The following GGACT variants were observed in gnomAD, a reference collection of about 807,000 sequenced individuals.
The protein encoded by GGACT is gamma-glutamylaminecyclotransferase.
For synonymous variants in GGACT, 118 were observed against 115.3 expected (o/e 1.02, Z -0.15); for missense variants, 241 against 233.2 (o/e 1.03, Z -0.22).
intron 2 of GGACT, among the ~76,000 whole-genome samples, chr13:100,565,070 T>C (rs895171264): frequency 3.3e-5 from 5 of 152,234 alleles, no homozygotes; most frequent in African/African-American, 1.2e-4. Context: ...TCACAGGGGA[T>C]GGCCGCCGCC....
In GGACT at chr13:100,532,428, T is replaced by A. The variant is rs1262760687; in HGVS notation, c.164A>T (p.His55Leu). 6.5e-7 allele frequency: 1 copy of A among 1,549,866 alleles called. No individual in the cohort carries two copies. Among genetic ancestry groups the A allele is most frequent in the Non-Finnish European group, 8.7e-7 (1 of 1,146,638 alleles). ...CACGAGGCGCCCCGAGCCGGGCAGG[T>A]GCAGCAGCCACGGGATGTTGTGCTC... Reference protein sequence around the residue: ...AGEHNIPWLLHLPGSGRLVEG... With the variant: ...AGEHNIPWLLLLPGSGRLVEG... Residue 55 changes from histidine to leucine, a missense_variant, in exon 3 of 3, where the codon CAC (histidine) becomes CTC (leucine). Physicochemically the swap from His to Leu is moderately conservative, Grantham distance 99 (BLOSUM62 -3). Coordinates refer to ENST00000683975, the MANE Select transcript of GGACT (RefSeq NM_001195087.2).
rs2088321333 is a variant in GGACT, at chr13:100,530,393, CTA to C, written c.*1735_*1736del. On this transcript the variant is annotated 3_prime_UTR_variant, in exon 3 of 3. Coordinates refer to ENST00000683975, the MANE Select transcript of GGACT (RefSeq NM_001195087.2). ...ATTTGTACTTCTGCTGTGAGATTCC[CTA>C]GTGTCAAAATTAAATCAATAAAACT... 2 of 601,492 alleles carry C rather than the reference CTA, an allele frequency of 3.3e-6. No individual in the cohort carries two copies. The highest frequency in any genetic ancestry group is 2.8e-5 in the Admixed American group (1 of 35,548). The allele number at this position is 601,492 out of a possible 1,614,324, so 37.3% of individuals were successfully genotyped here.
chr13:100,532,388 G>A lies in GGACT; in HGVS notation c.204C>T (p.Tyr68=). The change falls in exon 3 of 3, where the codon TAC becomes TAT. Residue 68 remains tyrosine, a synonymous_variant. Transcript: ENST00000683975. ...GSGRLVEGEV[Y]AVDERMLRFL... Reference sequence around the variant, plus strand: ...AGCGCAGCATCCGCTCGTCTACCGCGTAGACCTCGCCCTCCACGAGGCGCC... The same window carrying A: ...AGCGCAGCATCCGCTCGTCTACCGCATAGACCTCGCCCTCCACGAGGCGCC... The A allele has an allele frequency of 3.9e-6, 6 of 1,550,402 alleles. No individual in the cohort carries two copies. The highest frequency in any genetic ancestry group is 1.4e-5 in the African/African-American group (1 of 73,164).
chr13:100,580,266 C>T (rs1398487570), intron 2 of GGACT, among the ~76,000 whole-genome samples: 3 of 152,142 alleles, frequency 2.0e-5, no homozygotes, highest in African/African-American at 7.2e-5. Context: ...GGACTTTGCA[C>T]ATGTGATTAA....
Position 100,530,965 on chromosome 13 carries a change from G to C in GGACT, c.*1165C>G, listed in dbSNP as rs2088361454. ...CCTTTTTGTGTTTTTTGTGAAGCAA[G>C]TTTCCAATTAAGCAAAAGAAGCTAA... On this transcript the variant is annotated 3_prime_UTR_variant, in exon 3 of 3. Coordinates refer to ENST00000683975, the MANE Select transcript of GGACT (RefSeq NM_001195087.2). 1 of 152,230 alleles carries C rather than the reference G, an allele frequency of 6.6e-6. No homozygotes were observed. Among genetic ancestry groups the C allele is most frequent in the Non-Finnish European group, 1.5e-5 (1 of 68,064 alleles). 9.4% of individuals were successfully genotyped at this position (152,230 alleles called of 1,614,324 possible). A position where few individuals can be genotyped will look rare whatever the true frequency, so the allele number is the denominator to read the frequency against.
At chr13:100,560,616 T>A (rs2088751419) in intron 2 of GGACT, among the ~76,000 whole-genome samples, 1 of 152,250 alleles carries the variant, frequency 6.6e-6, no homozygotes, top group Non-Finnish European at 1.5e-5. Context: ...TGTGGGCTTG[T>A]ATCCATTGCT....
At chr13:100,578,727 T>C (rs996192207) in intron 2 of GGACT, among the ~76,000 whole-genome samples, 17 of 152,236 alleles carry the variant, frequency 1.1e-4, no homozygotes, top group African/African-American at 3.9e-4. Context: ...GATCTAACTT[T>C]GCAGAAAACT....
At chr13:100,541,615 G>C (rs762677694) in intron 2 of GGACT, 1 of 152,210 alleles carries the variant, frequency 6.6e-6, no homozygotes, top group Non-Finnish European at 1.5e-5. Context: ...AAGTGGGAGA[G>C]GGCATCAGGC....
intron 2 of GGACT, among the ~76,000 whole-genome samples, chr13:100,570,967 G>A (rs1479890314): frequency 1.3e-5 from 2 of 152,014 alleles, no homozygotes; most frequent in Non-Finnish European, 1.5e-5. Flanking sequence ...AGATTGCTCA[G>A]TCTCCAAGAA....
At chr13:100,558,770 G>A (rs1300844022) in intron 2 of GGACT, among the ~76,000 whole-genome samples, 1 of 152,104 alleles carries the variant, frequency 6.6e-6, no homozygotes, top group Non-Finnish European at 1.5e-5. Flanking sequence ...GCTCACATAT[G>A]GAATCTGAAA....
At chr13:100,563,620 A>G (rs2088784757) in intron 2 of GGACT, among the ~76,000 whole-genome samples, 1 of 152,236 alleles carries the variant, frequency 6.6e-6, no homozygotes, top group East Asian at 1.9e-4. Flanking sequence ...GTTTGAGTCC[A>G]GCCTGAGCAA....
chr13:100,575,634 C>A (rs540109807), intron 2 of GGACT, among the ~76,000 whole-genome samples: 1 of 152,104 alleles, frequency 6.6e-6, no homozygotes, highest in African/African-American at 2.4e-5. Context: ...GTAGGTGGTG[C>A]ACAACTGTGG....
intron 2 of GGACT, among the ~76,000 whole-genome samples, chr13:100,553,428 C>T (rs1478422636): frequency 6.6e-6 from 1 of 152,122 alleles, no homozygotes; most frequent in African/African-American, 2.4e-5. Flanking sequence ...CTGTGGTATA[C>T]CTGGGATACT....
At chr13:100,541,177 G>T (rs1475931825) in intron 2 of GGACT, among the ~76,000 whole-genome samples, 1 of 152,202 alleles carries the variant, frequency 6.6e-6, no homozygotes, top group Non-Finnish European at 1.5e-5. Flanking sequence ...TTGCCCCCAA[G>T]TCAGCCCTGC....
intron 2 of GGACT, among the ~76,000 whole-genome samples, chr13:100,571,924 A>G (rs1039387420): frequency 6.6e-6 from 1 of 152,228 alleles, no homozygotes; most frequent in Non-Finnish European, 1.5e-5. Flanking sequence ...CTTGTATCCA[A>G]TAAGTCTTAA....
rs1294955263 is a variant in GGACT at position 100,532,511 on chromosome 13, G to A, written c.81C>T (p.Ser27=). ...TGCGGCCGCGCGCCCGAAAGGCTGC[G>A]GAGCCGTGGGCGCCGTCCCGCAGGA... is the stretch of plus-strand genomic sequence containing the variant. ...HRVLRDGAHG[S]AAFRARGRTL... is the part of the protein sequence containing the mutation. Residue 27 remains serine (S), a synonymous_variant, in exon 3 of 3, where the codon TCC becomes TCT. Transcript: ENST00000683975. The A allele has an allele frequency of 6.5e-7, 1 of 1,548,506 alleles. No individual in the cohort carries two copies. The highest frequency in any genetic ancestry group is 8.7e-7 in the Non-Finnish European group (1 of 1,145,978).
At position 100,532,551 on chromosome 13, in the gene GGACT, T is replaced by TGTGGTTG; in HGVS notation, c.40_41insCAACCAC (p.Gln14ProfsTer69). 13 of 1,547,252 alleles carry TGTGGTTG rather than the reference T, an allele frequency of 8.4e-6. No homozygotes were observed. Among genetic ancestry groups the TGTGGTTG allele is most frequent in the Non-Finnish European group, 1.1e-5 (13 of 1,145,104 alleles). On this transcript the variant is annotated frameshift_variant, in exon 3 of 3. Transcript: ENST00000683975. LOFTEE classifies it low-confidence loss of function (END_TRUNC). The stretch of plus-strand genomic sequence containing the variant: ...GTCCCGCAGGACCCTGTGGTTGGGC[T>TGTGGTTG]GACCCCGCTTCAGGGTGCCGTACAC...
intron 2 of GGACT, among the ~76,000 whole-genome samples, chr13:100,544,543 G>A (rs569784393): frequency 1.3e-5 from 2 of 152,300 alleles, no homozygotes; most frequent in South Asian, 2.1e-4. Context: ...CACCGGCCCC[G>A]GTAAAACGCT....
intron 2 of GGACT, among the ~76,000 whole-genome samples, chr13:100,557,297 A>G (rs529710645): frequency 6.6e-6 from 1 of 152,350 alleles, no homozygotes; most frequent in African/African-American, 2.4e-5. Context: ...TTTTGAGATA[A>G]CGTGATATGG....
Sources: allele counts gnomAD v4.1 joint callset (sites outside exome capture counted in the v4.1 genomes callset), GRCh38; gene constraint gnomAD v4.1.1; transcripts MANE v1.5; gene names NCBI Gene and HGNC (gene_info 2026-07-23, HGNC 2026-07-21).